The following IMMP2L variants were observed in gnomAD, a reference collection of about 807,000 sequenced individuals.
The protein encoded by IMMP2L is mitochondrial inner membrane protease subunit 2.
A neutral mutation model predicts 19.3 loss-of-function variants in IMMP2L; 18 were observed. That is an observed-to-expected ratio of 0.93 (90% CI 0.64 to 1.38). IMMP2L has a LOEUF of 1.38. IMMP2L is among the 40% of genes most tolerant of loss of function. The pLI, the probability that IMMP2L is intolerant of heterozygous loss-of-function variation, is 0.00. For synonymous variants in IMMP2L, 76 were observed against 73.0 expected (o/e 1.04, Z -0.21); for missense variants, 233 against 218.2 (o/e 1.07, Z -0.43).
chr7:111,226,320 C>T (rs555238594), intron 3 of IMMP2L, among the ~76,000 whole-genome samples: 1 of 151,658 alleles, frequency 6.6e-6, no homozygotes, highest in African/African-American at 2.4e-5. Flanking sequence ...TGCCCAGCTA[C>T]ATTTTATTTT....
chr7:111,450,726 A>T (rs1839058884), intron 3 of IMMP2L, among the ~76,000 whole-genome samples: 1 of 151,166 alleles, frequency 6.6e-6, no homozygotes, highest in Admixed American at 6.6e-5. Flanking sequence ...AATTAAACTA[A>T]AGAGCTTCTG....
At chr7:111,473,820 CATATATCAAAAGGAAA>C (rs1300433002) in intron 3 of IMMP2L, among the ~76,000 whole-genome samples, 1 of 152,080 alleles carries the variant, frequency 6.6e-6, no homozygotes, top group Non-Finnish European at 1.5e-5. Context: ...CATTACTGGG[CATATATCAAAAGGAAA>C]ATAAATCATT....
At chr7:110,763,950 G>A (rs1003376502) in intron 5 of IMMP2L, among the ~76,000 whole-genome samples, 11 of 152,040 alleles carry the variant, frequency 7.2e-5, no homozygotes, top group Non-Finnish European at 1.5e-4. Flanking sequence ...TAGATAGCAG[G>A]ACAGTAAACT....
At chr7:111,047,922 G>A (rs545597574) in intron 3 of IMMP2L, among the ~76,000 whole-genome samples, 5 of 152,238 alleles carry the variant, frequency 3.3e-5, no homozygotes, top group South Asian at 4.2e-4. Context: ...CCCAAAAAGC[G>A]AAGCAGTTAC....
intron 2 of IMMP2L, among the ~76,000 whole-genome samples, chr7:111,505,806 A>T (rs1346023008): frequency 2.0e-5 from 3 of 148,302 alleles, no homozygotes; most frequent in South Asian, 2.2e-4. Context: ...AACATCACAC[A>T]GTGGGGACTG....
intron 3 of IMMP2L, among the ~76,000 whole-genome samples, chr7:111,403,071 A>C (rs1375914503): frequency 1.4e-5 from 2 of 140,816 alleles, no homozygotes; most frequent in Non-Finnish European, 3.0e-5. Context: ...GGTGCAAGCT[A>C]CCACGACCGT....
At position 111,097,278 on chromosome 7, in the gene IMMP2L, T is replaced by G. The variant is rs544304461; in HGVS notation, c.240-133713A>C. On this transcript the variant is annotated intron_variant, in intron 3 of 5. Coordinates refer to ENST00000405709, the MANE Select transcript of IMMP2L (RefSeq NM_032549.4). ...ACAGCAGAATGTGTTCTCCAGGGAT[T>G]AAGCCCCCTAACGTGAAGCTTGGGA... The G allele has an allele frequency of 2.0e-5, 3 of 152,014 alleles. No homozygotes were observed. The East Asian group carries it at 5.8e-4, about 29-fold the overall frequency. The allele number at this position is 152,014 out of a possible 1,614,324, so 9.4% of individuals were successfully genotyped here.
chr7:110,905,440 A>G (rs545625722), intron 4 of IMMP2L, among the ~76,000 whole-genome samples: 201 of 152,070 alleles, frequency 1.3e-3, no homozygotes, highest in African/African-American at 4.5e-3. Context: ...CTTTCCCTTC[A>G]ATTTTTTGTT....
At chr7:110,932,293 C>A (rs949073352) in intron 4 of IMMP2L, among the ~76,000 whole-genome samples, 1 of 152,168 alleles carries the variant, frequency 6.6e-6, no homozygotes, top group Non-Finnish European at 1.5e-5. Flanking sequence ...GATGTTTAAG[C>A]CCTTTCTGAA....
intron 5 of IMMP2L, among the ~76,000 whole-genome samples, chr7:110,853,047 A>G (rs909119203): frequency 3.3e-5 from 5 of 152,026 alleles, no homozygotes; most frequent in Admixed American, 6.6e-5. Context: ...ACATGGGAAC[A>G]TGTCCATAAT....
intron 2 of IMMP2L, among the ~76,000 whole-genome samples, chr7:111,493,076 A>T (rs1416723828): frequency 6.6e-6 from 1 of 152,172 alleles, no homozygotes; most frequent in Non-Finnish European, 1.5e-5. Context: ...AGCGTATTTA[A>T]ATCAGATAGT....
At chr7:111,283,747 G>A (rs1030597513) in intron 3 of IMMP2L, among the ~76,000 whole-genome samples, 9 of 151,740 alleles carry the variant, frequency 5.9e-5, no homozygotes, top group Admixed American at 1.3e-4. Context: ...CGAGGCGGGC[G>A]GATCACGAGG....
chr7:110,855,079 A>G (rs904554261), intron 5 of IMMP2L, among the ~76,000 whole-genome samples: 3 of 152,020 alleles, frequency 2.0e-5, no homozygotes, highest in Admixed American at 6.6e-5. Context: ...ATAACAGTCC[A>G]AAAATGTTCA....
intron 3 of IMMP2L, among the ~76,000 whole-genome samples, chr7:111,007,830 T>C (rs919389586): frequency 2.0e-5 from 3 of 152,072 alleles, no homozygotes; most frequent in African/African-American, 7.2e-5. Context: ...GGCTGTGTCA[T>C]AAGCATCTAA....
intron 3 of IMMP2L, among the ~76,000 whole-genome samples, chr7:111,218,667 T>A (rs1812216479): frequency 6.6e-6 from 1 of 152,048 alleles, no homozygotes; most frequent in Admixed American, 6.6e-5. Flanking sequence ...TCATTACCAA[T>A]AAGGCTTTAA....
intron 3 of IMMP2L, among the ~76,000 whole-genome samples, chr7:111,281,064 T>C (rs953261100): frequency 3.1e-5 from 4 of 130,654 alleles, no homozygotes; most frequent in African/African-American, 1.2e-4. Context: ...AGCGAGACTC[T>C]GAGAAAAGAA....
At chr7:111,437,671 T>C (rs1282989651) in intron 3 of IMMP2L, among the ~76,000 whole-genome samples, 2 of 151,970 alleles carry the variant, frequency 1.3e-5, no homozygotes, top group Admixed American at 1.3e-4. Context: ...TCTGGCCGCT[T>C]TCACCTTACA....
chr7:111,499,835 T>C (rs1217611313), intron 2 of IMMP2L, among the ~76,000 whole-genome samples: 1 of 152,136 alleles, frequency 6.6e-6, no homozygotes, highest in African/African-American at 2.4e-5. Context: ...GGAGCCAAGA[T>C]GGCCAAATAG....
chr7:111,477,940 T>C (rs1165913839), intron 3 of IMMP2L, among the ~76,000 whole-genome samples: 3 of 152,102 alleles, frequency 2.0e-5, no homozygotes, highest in Non-Finnish European at 4.4e-5. Flanking sequence ...TTTTCAGTGG[T>C]TTGACTGCCA....
Sources: allele counts gnomAD v4.1 joint callset (sites outside exome capture counted in the v4.1 genomes callset), GRCh38; gene constraint gnomAD v4.1.1; transcripts MANE v1.5; gene names NCBI Gene and HGNC (gene_info 2026-07-23, HGNC 2026-07-21).